TMEM63C: variants seen among roughly 807,000 people sequenced by gnomAD.
The protein encoded by TMEM63C is transmembrane protein 63C.
TMEM63C carries 32 observed loss-of-function variants against 99.2 expected under a neutral mutation model. The observed-to-expected ratio is 0.32, with a 90% CI of 0.24 to 0.43. The LOEUF (loss-of-function observed/expected upper bound fraction) is 0.43, where lower values mean the gene tolerates loss of function less well. Among genes scored for constraint, TMEM63C ranks in the 20% least tolerant of loss-of-function variants. TMEM63C has a pLI of 1.00. For missense variants in TMEM63C, 826 were observed against 1,053.0 expected, an observed-to-expected ratio of 0.78 and a Z score of 2.98; for synonymous variants, 376 against 397.9, an observed-to-expected ratio of 0.94 and a Z score of 0.66.
At chr14:77,219,036 G>A (rs4396457) in intron 3 of TMEM63C, 73 bp downstream of exon 3, 217,034 of 1,408,652 alleles carry the variant, frequency 0.15, 17,430 homozygotes, top group South Asian at 0.19. Flanking sequence ...GTGATGCAGT[G>A]GGGGACCCAG....
At chr14:77,221,755 G>A (rs1016088843) in intron 5 of TMEM63C, among the ~76,000 whole-genome samples, 8 of 147,048 alleles carry the variant, frequency 5.4e-5, no homozygotes, top group African/African-American at 2.1e-4. Flanking sequence ...AGACAACCCT[G>A]AAGGTCAGCA....
At chr14:77,201,683 G>C (rs149078763) in intron 1 of TMEM63C, among the ~76,000 whole-genome samples, 107 of 152,354 alleles carry the variant, frequency 7.0e-4, no homozygotes, top group African/African-American at 2.2e-3. Flanking sequence ...CCCTGCTGCT[G>C]ATTGTGACCC....
chr14:77,251,398 T>A (rs1327539429), intron 21 of TMEM63C, among the ~76,000 whole-genome samples: 1 of 152,214 alleles, frequency 6.6e-6, no homozygotes, highest in Admixed American at 6.5e-5. Flanking sequence ...TGCAGATAAC[T>A]GAGCATGCTC....
chr14:77,258,679 C>T lies in TMEM63C; in HGVS notation c.*1953C>T, dbSNP rs1241770603. 6.6e-6 allele frequency: 1 copy of T among 152,354 alleles called. No individual in the cohort carries two copies. The highest frequency in any genetic ancestry group is 2.4e-5 in the African/African-American group (1 of 41,464). The allele number at this position is 152,354 out of a possible 1,614,324, so 9.4% of individuals were successfully genotyped here. On this transcript the variant is annotated 3_prime_UTR_variant, in exon 24 of 24. Transcript: ENST00000298351. ...TGGCACATGATGGGGAGGTGGCCAG[C>T]TCCAGGCCCTGCCCGACCCCATCAT...
intron 22 of TMEM63C, 69 bp downstream of exon 22, chr14:77,251,967 C>G: frequency 7.8e-7 from 1 of 1,277,724 alleles, no homozygotes; most frequent in Non-Finnish European, 1.1e-6. Flanking sequence ...AGGATACTCT[C>G]CAGGTCTGGG....
rs149310776 is a variant in TMEM63C, at chr14:77,228,045, G to T, written c.350+2584G>T. Among the ~76,000 whole-genome samples, 559 of 152,230 alleles carry T rather than the reference G, an allele frequency of 3.7e-3. 3 individuals carry two copies. The highest frequency in any genetic ancestry group is 0.02 in the Middle Eastern group (6 of 294). On this transcript the variant is annotated intron_variant, in intron 6 of 23. Transcript: ENST00000298351. Reference sequence around the variant, plus strand: ...TGGACGCAGGTGCATGCAGAGAGAGGAGGATGCCGAAGATGAGAGAGCAGA... The same window carrying T: ...TGGACGCAGGTGCATGCAGAGAGAGTAGGATGCCGAAGATGAGAGAGCAGA...
intron 5 of TMEM63C, among the ~76,000 whole-genome samples, chr14:77,222,371 C>T (rs1888739932): frequency 2.0e-5 from 3 of 152,182 alleles, no homozygotes. Flanking sequence ...CCTACCATCC[C>T]CTGGTCCAGG....
At chr14:77,187,499 C>T (rs913079405) in intron 1 of TMEM63C, among the ~76,000 whole-genome samples, 3 of 152,216 alleles carry the variant, frequency 2.0e-5, no homozygotes, top group African/African-American at 2.4e-5. Flanking sequence ...AGGCCAGGCC[C>T]AGGCTCCACA....
At chr14:77,203,061 A>G (rs1043251864) in intron 1 of TMEM63C, among the ~76,000 whole-genome samples, 1 of 152,192 alleles carries the variant, frequency 6.6e-6, no homozygotes, top group Non-Finnish European at 1.5e-5. Flanking sequence ...ACGGTTAGGT[A>G]TGCATATAGT....
At chr14:77,246,525 G>T in intron 17 of TMEM63C, 84 bp from the exon 18 acceptor site, 5 of 1,195,438 alleles carry the variant, frequency 4.2e-6, no homozygotes, top group Non-Finnish European at 4.9e-6. Flanking sequence ...TTTCTTTGGA[G>T]ATTGGGCAAG....
intron 21 of TMEM63C, 64 bp downstream of exon 21, chr14:77,249,522 A>C (rs766097516): frequency 7.9e-5 from 124 of 1,562,526 alleles, no homozygotes; most frequent in Non-Finnish European, 1.0e-4. Flanking sequence ...GAGTCCCTTA[A>C]CACTGACCCT....
At chr14:77,216,415 G>A (rs138494092) in intron 2 of TMEM63C, among the ~76,000 whole-genome samples, 9 of 152,180 alleles carry the variant, frequency 5.9e-5, no homozygotes, top group South Asian at 2.1e-4. Flanking sequence ...AAGAGTTGTC[G>A]CTATGCCAGT....
Position 77,236,358 on chromosome 14 carries a change from G to T in TMEM63C, c.543-266G>T, listed in dbSNP as rs71413454. ...TGGGGGTATGGGCAGACTGTGGTGG[G>T]TGGGGGGTATGGGCAGACTGGTGGG... On this transcript the variant is annotated intron_variant, in intron 8 of 23. Transcript: ENST00000298351. Among the ~76,000 whole-genome samples, 2 of 42,598 alleles carry T rather than the reference G, an allele frequency of 4.7e-5. 1 individual carries two copies. The highest frequency in any genetic ancestry group is 3.8e-4 in the Admixed American group (2 of 5,210). 27.9% of individuals were successfully genotyped at this position (42,598 alleles called of 152,430 possible).
intron 8 of TMEM63C, among the ~76,000 whole-genome samples, chr14:77,234,509 C>T (rs1351137538): frequency 6.6e-6 from 1 of 152,204 alleles, no homozygotes; most frequent in African/African-American, 2.4e-5. Context: ...CTCCATGAAT[C>T]TATCCTGGCA....
chr14:77,231,876 G>C, intron 7 of TMEM63C, 146 bp downstream of exon 7: 1 of 947,050 alleles, frequency 1.1e-6, no homozygotes, highest in Admixed American at 2.4e-5. Flanking sequence ...AACAAACCAT[G>C]CTTCGCTTCT....
At chr14:77,246,105 C>A in intron 17 of TMEM63C, 79 bp downstream of exon 17, 3 of 1,146,782 alleles carry the variant, frequency 2.6e-6, no homozygotes, top group Non-Finnish European at 4.0e-6. Context: ...ATACTGTAGA[C>A]CTGCCTGTGA....
At chr14:77,190,930 T>A (rs1333234239) in intron 1 of TMEM63C, among the ~76,000 whole-genome samples, 1 of 151,918 alleles carries the variant, frequency 6.6e-6, no homozygotes, top group Admixed American at 6.6e-5. Flanking sequence ...GCTAAATTTA[T>A]CAAAATTGTA....
intron 2 of TMEM63C, among the ~76,000 whole-genome samples, chr14:77,216,541 C>T (rs1186786491): frequency 6.6e-6 from 1 of 152,176 alleles, no homozygotes; most frequent in Non-Finnish European, 1.5e-5. Context: ...TTGGTTTCAC[C>T]CTTGCACGCA....
At chr14:77,190,722 A>G (rs1024136599) in intron 1 of TMEM63C, among the ~76,000 whole-genome samples, 7 of 152,246 alleles carry the variant, frequency 4.6e-5, no homozygotes, top group African/African-American at 7.2e-5. Context: ...ATAAAATTCA[A>G]CATGTCTCTG....
Sources: allele counts gnomAD v4.1 joint callset (sites outside exome capture counted in the v4.1 genomes callset), GRCh38; gene constraint gnomAD v4.1.1; transcripts MANE v1.5; gene names NCBI Gene and HGNC (gene_info 2026-07-23, HGNC 2026-07-21).